CACNA1E: variants seen among roughly 807,000 people sequenced by gnomAD.
The protein encoded by CACNA1E is calcium voltage-gated channel subunit alpha1 E.
A neutral mutation model predicts 259.2 loss-of-function variants in CACNA1E; 40 were observed. That is an observed-to-expected ratio of 0.15 (90% confidence interval 0.12 to 0.20). The LOEUF (loss-of-function observed/expected upper bound fraction) is 0.20, where lower values mean the gene tolerates loss of function less well. CACNA1E is among the 10% of genes least tolerant of loss of function. CACNA1E has a pLI of 1.00. For missense variants in CACNA1E, 1,874 were observed against 3,040.1 expected, an observed-to-expected ratio of 0.62 and a Z score of 9.02; for synonymous variants, 1,104 against 1,138.5, an observed-to-expected ratio of 0.97 and a Z score of 0.61.
chr1:181,715,037 T>C (rs1250430841), intron 8 of CACNA1E, among the ~76,000 whole-genome samples: 3 of 152,200 alleles, frequency 2.0e-5, no homozygotes, highest in African/African-American at 7.2e-5. Context: ...AATTTTTCAT[T>C]CCTATCAAGG....
intron 6 of CACNA1E, among the ~76,000 whole-genome samples, chr1:181,631,016 G>A (rs1656680847): frequency 6.6e-6 from 1 of 152,168 alleles, no homozygotes. Context: ...TGGAAGGCCT[G>A]GCTGGCAGGA....
In CACNA1E at chr1:181,798,518, A is replaced by C. The variant is rs770149874; in HGVS notation, c.6626A>C (p.Glu2209Ala). 2 of 1,613,752 alleles carry C rather than the reference A, an allele frequency of 1.2e-6. No individual in the cohort carries two copies. Among genetic ancestry groups the C allele is most frequent in the Non-Finnish European group, 1.7e-6 (2 of 1,179,902 alleles). The change falls in exon 48 of 48, where the codon GAG (glutamate) becomes GCG (alanine). Residue 2209 changes from glutamate to alanine, a missense_variant. This residue lies in a region of CACNA1E where 542 missense variants were observed against 587.2 expected (regional missense o/e 0.92). Transcript: ENST00000367573. The surrounding 1 kb of genome is among the most constrained non-coding windows in gnomAD (Gnocchi z 4.2). Reference protein sequence around the residue: ...ALESNNACLTESSNSPHPQQS... With the variant: ...ALESNNACLTASSNSPHPQQS... Reference sequence around the variant, plus strand: ...GAGAGCAACAATGCTTGCCTGACCGAGTCTTCCAACTCTCCGCACCCCCAG... The same window carrying C: ...GAGAGCAACAATGCTTGCCTGACCGCGTCTTCCAACTCTCCGCACCCCCAG...
chr1:181,354,037 C>G (rs1393769594), intron 1 of CACNA1E, among the ~76,000 whole-genome samples: 1 of 152,162 alleles, frequency 6.6e-6, no homozygotes, highest in Non-Finnish European at 1.5e-5. Context: ...CTGCCTGACT[C>G]GGTTCCTCCC....
chr1:181,480,895 G>A (rs540463182), upstream of CACNA1E, among the ~76,000 whole-genome samples: 1 of 152,298 alleles, frequency 6.6e-6, no homozygotes, highest in South Asian at 2.1e-4. Context: ...ACCTGGAAGG[G>A]ACTCAAAGAT....
At chr1:181,785,240 G>A (rs1660756902) in intron 41 of CACNA1E, 78 bp from the exon 42 acceptor site, 1 of 833,614 alleles carries the variant, frequency 1.2e-6, no homozygotes, top group Non-Finnish European at 2.0e-6. Context: ...CAGAGAGTGG[G>A]TAACAAAGCT....
chr1:181,331,661 G>A (rs1253637617), intron 1 of CACNA1E, among the ~76,000 whole-genome samples: 1 of 152,144 alleles, frequency 6.6e-6, no homozygotes, highest in Non-Finnish European at 1.5e-5. Flanking sequence ...CAGTTCTCTA[G>A]GTATTCCTTA....
rs1436991570 is a variant in CACNA1E, at chr1:181,528,526, T to C, written c.512+17016T>C. 2.0e-5 allele frequency among the ~76,000 whole-genome samples: 3 copies of C among 152,178 alleles called. No homozygotes were observed. The East Asian group carries it at 5.8e-4, about 29-fold the overall frequency. ...CAGAGGTTGGAACAGTTTGGAGGGCTCAGAAGAAGAAAGGAAAATGTGAGA... is the reference window on the plus strand; with the variant it reads ...CAGAGGTTGGAACAGTTTGGAGGGCCCAGAAGAAGAAAGGAAAATGTGAGA... On this transcript the variant is annotated intron_variant, in intron 3 of 47. Transcript: ENST00000367573.
At chr1:181,347,217 A>G (rs1652664522) in intron 1 of CACNA1E, among the ~76,000 whole-genome samples, 1 of 152,140 alleles carries the variant, frequency 6.6e-6, no homozygotes, top group Non-Finnish European at 1.5e-5. Context: ...GGCTTGTCCC[A>G]CAGACGGTTT....
At chr1:181,552,433 A>T (rs1648270094) in intron 3 of CACNA1E, among the ~76,000 whole-genome samples, 1 of 151,222 alleles carries the variant, frequency 6.6e-6, no homozygotes, top group African/African-American at 2.5e-5. Context: ...TTATAATAGT[A>T]TTCATAGCTT....
intron 1 of CACNA1E, among the ~76,000 whole-genome samples, chr1:181,506,128 A>T (rs761783453): frequency 5.3e-5 from 8 of 152,212 alleles, no homozygotes; most frequent in Non-Finnish European, 7.3e-5. Context: ...ACAGACTTCC[A>T]TCTTGTCCCT....
intron 3 of CACNA1E, among the ~76,000 whole-genome samples, chr1:181,559,660 C>T (rs907704102): frequency 7.2e-5 from 11 of 152,166 alleles, no homozygotes; most frequent in Admixed American, 2.0e-4. Context: ...TGGAGACCTG[C>T]GGGCCTCTGA....
At chr1:181,575,109 A>G (rs1650837381) in intron 3 of CACNA1E, among the ~76,000 whole-genome samples, 1 of 152,068 alleles carries the variant, frequency 6.6e-6, no homozygotes, top group African/African-American at 2.4e-5. Context: ...CTCAAGGAGT[A>G]TTGGAACTGT....
chr1:181,744,638 C>T (rs1238514209), intron 25 of CACNA1E, among the ~76,000 whole-genome samples: 1 of 152,230 alleles, frequency 6.6e-6, no homozygotes, highest in Non-Finnish European at 1.5e-5. Flanking sequence ...TCCCCTCAAA[C>T]CTCCAGCGTT....
chr1:181,363,093 A>G (rs1188966989), intron 1 of CACNA1E, among the ~76,000 whole-genome samples: 2 of 152,324 alleles, frequency 1.3e-5, no homozygotes, highest in African/African-American at 2.4e-5. Flanking sequence ...ATAGACCTGT[A>G]TCATTTCTGA....
At chr1:181,750,636 C>A in intron 26 of CACNA1E, 149 bp downstream of exon 26, 1 of 726,302 alleles carries the variant, frequency 1.4e-6, no homozygotes, top group Non-Finnish European at 2.3e-6. Context: ...TAGGAGTCAC[C>A]AAGCCTTCTT....
intron 2 of CACNA1E, among the ~76,000 whole-genome samples, chr1:181,427,132 C>T (rs77504892): frequency 0.076 from 11,457 of 151,578 alleles, 775 homozygotes; most frequent in African/African-American, 0.18. Context: ...CAGTGTCTCC[C>T]CAACTTGACC....
At chr1:181,324,828 A>G (rs544845928) in intron 1 of CACNA1E, among the ~76,000 whole-genome samples, 82 of 152,232 alleles carry the variant, frequency 5.4e-4, no homozygotes, top group Non-Finnish European at 1.1e-3. Flanking sequence ...GTTCTTGAGT[A>G]AGTTCCAGGT....
intron 6 of CACNA1E, among the ~76,000 whole-genome samples, chr1:181,624,185 A>G (rs1351400138): frequency 6.6e-6 from 1 of 152,110 alleles, no homozygotes; most frequent in Non-Finnish European, 1.5e-5. Context: ...GGATGGCACC[A>G]GGCATCAAGC....
intron 3 of CACNA1E, among the ~76,000 whole-genome samples, chr1:181,568,271 G>A (rs1650049577): frequency 1.3e-5 from 2 of 152,144 alleles, no homozygotes. Flanking sequence ...AGGGAAGGCT[G>A]CTGCAGAGAA....
Sources: allele counts gnomAD v4.1 joint callset (sites outside exome capture counted in the v4.1 genomes callset), GRCh38; gene constraint gnomAD v4.1.1; regional missense constraint gnomAD v4.1.1; non-coding constraint Gnocchi (gnomAD v3.1); transcripts MANE v1.5; gene names NCBI Gene and HGNC (gene_info 2026-07-23, HGNC 2026-07-21).